Variants in SHISA9 observed in about 807,000 individuals in gnomAD.
SHISA9 encodes shisa family member 9, also known as protein shisa-9.
Under a neutral mutation model 38.0 loss-of-function variants are expected in SHISA9, and 13 were observed. That is an observed-to-expected ratio of 0.34 (90% CI 0.22 to 0.54). The LOEUF (loss-of-function observed/expected upper bound fraction) is 0.54. Ranked by LOEUF, SHISA9 falls within the 20% of genes least tolerant of loss-of-function variation. The pLI, the probability that SHISA9 is intolerant of heterozygous loss-of-function variation, is 0.91. For synonymous variants in SHISA9, 275 were observed against 242.0 expected (o/e 1.14, Z -1.27); for missense variants, 538 against 575.8 (o/e 0.93, Z 0.67).
intron 2 of SHISA9, 116 bp from the exon 3 acceptor site, chr16:13,203,278 G>C: frequency 9.7e-7 from 1 of 1,034,618 alleles, no homozygotes; most frequent in Non-Finnish European, 1.3e-6. Flanking sequence ...GCTGTTTTGC[G>C]ACTTGCGTCC....
intron 2 of SHISA9, among the ~76,000 whole-genome samples, chr16:12,962,266 G>C (rs1347612390): frequency 1.3e-5 from 2 of 152,252 alleles, no homozygotes; most frequent in Non-Finnish European, 2.9e-5. Context: ...CTTGCACACA[G>C]ACAGTGAGAG....
chr16:13,363,882 A>G, the SHISA9 span, among the ~76,000 whole-genome samples: 1 of 152,206 alleles, frequency 6.6e-6, no homozygotes, highest in Non-Finnish European at 1.5e-5. Context: ...GACCAGAAAT[A>G]TCAGCATGTC....
At chr16:13,057,725 T>C (rs909797449) in intron 2 of SHISA9, among the ~76,000 whole-genome samples, 5 of 152,224 alleles carry the variant, frequency 3.3e-5, no homozygotes, top group Admixed American at 6.5e-5. Context: ...ACGTGTGCCA[T>C]GGTGGTTTGC....
At chr16:13,514,005 A>T in the SHISA9 span, among the ~76,000 whole-genome samples, 7 of 151,718 alleles carry the variant, frequency 4.6e-5, no homozygotes, top group East Asian at 1.9e-4. Flanking sequence ...AAAATAAAAT[A>T]TTTTTTTTTA....
intron 2 of SHISA9, among the ~76,000 whole-genome samples, chr16:13,025,980 A>T (rs896393414): frequency 1.3e-5 from 2 of 151,866 alleles, no homozygotes; most frequent in Non-Finnish European, 2.9e-5. Context: ...TAATTTTGTA[A>T]TTTTAGTAGA....
At chr16:13,493,246 G>T in the SHISA9 span, among the ~76,000 whole-genome samples, 1 of 152,068 alleles carries the variant, frequency 6.6e-6, no homozygotes, top group South Asian at 2.1e-4. Context: ...ATAAGACACT[G>T]CCCCCAATAC....
chr16:13,372,345 G>C, the SHISA9 span, among the ~76,000 whole-genome samples: 5 of 152,194 alleles, frequency 3.3e-5, no homozygotes, highest in South Asian at 1.0e-3. Context: ...CTGATGGAGA[G>C]GGACAAGGTC....
chr16:12,968,189 C>CAAAAAAAAAAAAAAAA lies in SHISA9; in HGVS notation c.691+51396_691+51411dup, dbSNP rs200194973. Among the ~76,000 whole-genome samples, 2 of 82,050 alleles carry CAAAAAAAAAAAAAAAA rather than the reference C, an allele frequency of 2.4e-5. 1 individual carries two copies. The allele number at this position is 82,050 out of a possible 152,430, so 53.8% of individuals were successfully genotyped here. ...TGGGTGACAGAGGAAGGCTCCATCTCAAAAAAAAAAAAAAAAAAAAAAAAA... is the reference window on the plus strand; with the variant it reads ...TGGGTGACAGAGGAAGGCTCCATCTCAAAAAAAAAAAAAAAAAAAAAAAAAAAAAAAAAAAAAAAAA... On this transcript the variant is annotated intron_variant, in intron 2 of 4. Coordinates refer to ENST00000558583, the MANE Select transcript of SHISA9 (RefSeq NM_001145204.3).
chr16:13,009,670 T>C (rs755088878), intron 2 of SHISA9, among the ~76,000 whole-genome samples: 5 of 151,998 alleles, frequency 3.3e-5, no homozygotes, highest in Non-Finnish European at 5.9e-5. Flanking sequence ...AAAACTTAGG[T>C]TCAAAAATCA....
chr16:13,253,810 C>A, the SHISA9 span, among the ~76,000 whole-genome samples: 2 of 152,126 alleles, frequency 1.3e-5, no homozygotes, highest in South Asian at 4.1e-4. Flanking sequence ...TATTATGAAA[C>A]GTCCCCATAA....
At chr16:13,516,483 A>G in the SHISA9 span, among the ~76,000 whole-genome samples, 4 of 152,172 alleles carry the variant, frequency 2.6e-5, no homozygotes, top group African/African-American at 9.7e-5. Context: ...CTGAAAAGGT[A>G]TTTGTGGGAT....
At chr16:13,267,716 C>T in the SHISA9 span, among the ~76,000 whole-genome samples, 16 of 152,096 alleles carry the variant, frequency 1.1e-4, no homozygotes, top group African/African-American at 3.9e-4. Context: ...GTGGGTCAGA[C>T]CAACCTGAAT....
chr16:13,316,595 C>T, the SHISA9 span, among the ~76,000 whole-genome samples: 1 of 152,086 alleles, frequency 6.6e-6, no homozygotes, highest in African/African-American at 2.4e-5. Context: ...TCTAAAATGA[C>T]TTCAATAACT....
At chr16:13,326,703 G>A in the SHISA9 span, among the ~76,000 whole-genome samples, 1 of 152,032 alleles carries the variant, frequency 6.6e-6, no homozygotes, top group Non-Finnish European at 1.5e-5. Context: ...CGTGGGAGAT[G>A]AAGCAAGGCG....
chr16:13,156,863 A>C (rs1203593316), intron 2 of SHISA9, among the ~76,000 whole-genome samples: 1 of 152,236 alleles, frequency 6.6e-6, no homozygotes, highest in Non-Finnish European at 1.5e-5. Flanking sequence ...ATAATCAGGT[A>C]GTCTCTCATC....
chr16:13,021,907 C>A (rs1186899706), intron 2 of SHISA9, among the ~76,000 whole-genome samples: 1 of 152,196 alleles, frequency 6.6e-6, no homozygotes, highest in Non-Finnish European at 1.5e-5. Context: ...AATGACCACA[C>A]ACTGCATGGT....
At chr16:13,493,188 A>G in the SHISA9 span, among the ~76,000 whole-genome samples, 2 of 151,556 alleles carry the variant, frequency 1.3e-5, no homozygotes, top group African/African-American at 4.9e-5. Flanking sequence ...AGTGCTTTTG[A>G]AACAATGAAG....
chr16:13,091,367 TCTC>T (rs2073773119), intron 2 of SHISA9, among the ~76,000 whole-genome samples: 1 of 152,186 alleles, frequency 6.6e-6, no homozygotes, highest in Non-Finnish European at 1.5e-5. Flanking sequence ...TTGGGGGAGT[TCTC>T]CTGGATAATA....
At chr16:13,408,563 TTCTC>T in the SHISA9 span, among the ~76,000 whole-genome samples, 4 of 152,152 alleles carry the variant, frequency 2.6e-5, no homozygotes, top group African/African-American at 9.7e-5. Flanking sequence ...TCAGAAAACT[TTCTC>T]TCAGCTTCAC....
Sources: allele counts gnomAD v4.1 joint callset (sites outside exome capture counted in the v4.1 genomes callset), GRCh38; gene constraint gnomAD v4.1.1; transcripts MANE v1.5; gene names NCBI Gene and HGNC (gene_info 2026-07-23, HGNC 2026-07-21).